The following OGDH variants were observed in gnomAD, a reference collection of about 807,000 sequenced individuals.
OGDH encodes 2-oxoglutarate dehydrogenase complex component E1.
OGDH carries 38 observed loss-of-function variants against 116.6 expected under a neutral mutation model. That is an observed-to-expected ratio of 0.33 (90% CI 0.25 to 0.43). The LOEUF is 0.43. Ranked by LOEUF, OGDH falls within the 20% of genes least tolerant of loss-of-function variation. OGDH has a pLI of 1.00. For synonymous variants in OGDH, 488 were observed against 533.3 expected (o/e 0.92, Z 1.17); for missense variants, 825 against 1,357.2 (o/e 0.61, Z 6.16).
intron 2 of OGDH, among the ~76,000 whole-genome samples, chr7:44,644,453 C>T (rs1786083380): frequency 2.0e-5 from 3 of 152,192 alleles, no homozygotes; most frequent in African/African-American, 7.2e-5. Context: ...AAACTGATAA[C>T]TAACACCTGA....
In OGDH at chr7:44,668,423, A is replaced by G. The variant is rs542784644; in HGVS notation, c.633+1572A>G. Among the ~76,000 whole-genome samples the G allele has an allele frequency of 2.6e-4, 39 of 151,610 alleles. 1 individual carries two copies. In the South Asian group the frequency reaches 8.2e-3, roughly 32 times the overall value. ...TGCACTCCAGCCTGGGCAACAGAGC[A>G]AGACTCCATCTCAAAAACAAACAAA... On this transcript the variant is annotated intron_variant, in intron 5 of 22. Coordinates refer to ENST00000222673, the MANE Select transcript of OGDH (RefSeq NM_002541.4).
chr7:44,694,633 A>C lies in OGDH; in HGVS notation c.1668+57A>C. On this transcript the variant is annotated intron_variant, in intron 12 of 22. Coordinates refer to ENST00000222673, the MANE Select transcript of OGDH (RefSeq NM_002541.4). The surrounding 1 kb of genome is among the most constrained non-coding windows in gnomAD (Gnocchi z 4.2). ...TTTCCAGGGCTGGCGATGACTAGAA[A>C]AGGTGGGCCACAGGGCCAGTTCTCA... The C allele has an allele frequency of 6.3e-7, 1 of 1,597,036 alleles. No individual in the cohort carries two copies. The highest frequency in any genetic ancestry group is 1.7e-5 in the Admixed American group (1 of 59,626).
intron 1 of OGDH, among the ~76,000 whole-genome samples, chr7:44,612,417 C>G (rs920770959): frequency 6.6e-6 from 1 of 151,808 alleles, no homozygotes; most frequent in Non-Finnish European, 1.5e-5. Flanking sequence ...GAGTCTTACT[C>G]TGTTGCCCAG....
At chr7:44,683,991 A>G (rs1788032362) in intron 10 of OGDH, among the ~76,000 whole-genome samples, 1 of 152,222 alleles carries the variant, frequency 6.6e-6, no homozygotes, top group Non-Finnish European at 1.5e-5. Context: ...GCTCATAGAC[A>G]GTGCCATGAA....
At chr7:44,635,724 G>A (rs1000911550) in intron 2 of OGDH, among the ~76,000 whole-genome samples, 4 of 146,656 alleles carry the variant, frequency 2.7e-5, no homozygotes, top group African/African-American at 7.6e-5. Context: ...TTTTTTTTTC[G>A]AGATGGAGTC....
intron 4 of OGDH, among the ~76,000 whole-genome samples, chr7:44,650,828 T>A (rs1786407111): frequency 6.6e-6 from 1 of 152,196 alleles, no homozygotes; most frequent in Non-Finnish European, 1.5e-5. Flanking sequence ...CTGACCAGTG[T>A]GTAGACGGGT....
Position 44,613,638 on chromosome 7 carries a change from C to T in OGDH, c.-28+6985C>T, listed in dbSNP as rs570103124. ...CCTCCCAAAGTGCTGGGATTACAGG[C>T]GTGAGCCACCACGCCCGGCTATAAT... On this transcript the variant is annotated intron_variant, in intron 1 of 22. Transcript: ENST00000222673. Among the ~76,000 whole-genome samples, 220 of 151,880 alleles carry T rather than the reference C, an allele frequency of 1.4e-3. 1 individual carries two copies. Among genetic ancestry groups the T allele is most frequent in the African/African-American group, 4.9e-3 (205 of 41,426 alleles).
At chr7:44,636,842 T>C (rs548369365) in intron 2 of OGDH, among the ~76,000 whole-genome samples, 1 of 152,296 alleles carries the variant, frequency 6.6e-6, no homozygotes, top group African/African-American at 2.4e-5. Context: ...GTAAAAATTA[T>C]TTACCGCTGA....
chr7:44,682,310 G>T (rs1011475892), intron 10 of OGDH, among the ~76,000 whole-genome samples: 7 of 151,466 alleles, frequency 4.6e-5, no homozygotes, highest in Non-Finnish European at 8.8e-5. Flanking sequence ...GCTTGAACCC[G>T]AGAGGTGAAG....
In OGDH at chr7:44,700,182, C is replaced by G. The variant is rs770104306; in HGVS notation, c.2472C>G (p.Asp824Glu). The G allele has an allele frequency of 3.0e-5, 48 of 1,614,218 alleles. No individual in the cohort carries two copies. The highest frequency in any genetic ancestry group is 4.0e-5 in the Non-Finnish European group (47 of 1,180,024). Residue 824 changes from aspartate (D) to glutamate (E), a missense_variant, in exon 19 of 23, where the codon GAC (aspartate) becomes GAG (glutamate). Asp to Glu is a conservative substitution (Grantham distance 45, BLOSUM62 2). This residue lies in a region of OGDH where 212 missense variants were observed against 284.3 expected (regional missense o/e 0.75). Transcript: ENST00000222673. ...ACTTCGACATCAATCAGCTATATGA[C>G]TGCAATTGGGTTGTTGTCAACTGCT... ...EANFDINQLY[D>E]CNWVVVNCST...
chr7:44,658,198 A>C (rs1221102572), intron 4 of OGDH, among the ~76,000 whole-genome samples: 2 of 151,148 alleles, frequency 1.3e-5, no homozygotes, highest in African/African-American at 2.4e-5. Flanking sequence ...TTAGGGAGAA[A>C]ATACATTTTT....
At chr7:44,703,499 C>G (rs189144814) in intron 20 of OGDH, among the ~76,000 whole-genome samples, 1 of 152,224 alleles carries the variant, frequency 6.6e-6, no homozygotes, top group African/African-American at 2.4e-5. Flanking sequence ...GCAGGTCGAT[C>G]ACTTGAGGTC....
At chr7:44,679,322 T>C (rs886265512) in intron 9 of OGDH, among the ~76,000 whole-genome samples, 9 of 152,202 alleles carry the variant, frequency 5.9e-5, no homozygotes, top group Non-Finnish European at 1.2e-4. Flanking sequence ...TCAGGCAGCC[T>C]GGGCATCGTA....
In OGDH at chr7:44,707,932, AC is replaced by A; in HGVS notation, c.3007del (p.Leu1003Ter). The A allele has an allele frequency of 6.2e-7, 1 of 1,613,756 alleles. No individual in the cohort carries two copies. Among genetic ancestry groups the A allele is most frequent in the Non-Finnish European group, 8.5e-7 (1 of 1,179,986 alleles). On this transcript the variant is annotated frameshift_variant, in exon 23 of 23. Transcript: ENST00000222673. LOFTEE classifies it high-confidence loss of function. The surrounding 1 kb of genome is among the most constrained non-coding windows in gnomAD (Gnocchi z 5.2). ...CCAGCCACCGGCAACAAGAAGACCCACCTGACGGAGCTGCAGCGCCTCCTGG... is the reference window on the plus strand; with the variant it reads ...CCAGCCACCGGCAACAAGAAGACCCACTGACGGAGCTGCAGCGCCTCCTGG... ...AAPATGNKKT[H>X]LTELQRLLDT... is the part of the protein sequence containing the mutation.
chr7:44,623,955 T>G (rs1785100595), intron 1 of OGDH, among the ~76,000 whole-genome samples: 1 of 152,104 alleles, frequency 6.6e-6, no homozygotes, highest in Non-Finnish European at 1.5e-5. Context: ...AGATTTAAAT[T>G]TTTAAGTGAA....
chr7:44,675,374 C>T, intron 8 of OGDH, 106 bp downstream of exon 8: 1 of 930,450 alleles, frequency 1.1e-6, no homozygotes, highest in South Asian at 1.4e-5. Context: ...TTCTTCTGTA[C>T]CATTTGTGAT....
intron 4 of OGDH, among the ~76,000 whole-genome samples, chr7:44,650,083 C>T (rs958787148): frequency 2.0e-5 from 3 of 151,974 alleles, no homozygotes; most frequent in Non-Finnish European, 4.4e-5. Context: ...GTAGTCTCCA[C>T]GTTTCAAGAG....
At chr7:44,661,370 A>G (rs540262608) in intron 4 of OGDH, among the ~76,000 whole-genome samples, 2 of 152,254 alleles carry the variant, frequency 1.3e-5, no homozygotes, top group African/African-American at 2.4e-5. Context: ...GGATAAGCAT[A>G]TAGGTGGGTT....
chr7:44,691,338 A>G (rs2116320120), intron 10 of OGDH, among the ~76,000 whole-genome samples: 1 of 152,168 alleles, frequency 6.6e-6, no homozygotes, highest in East Asian at 1.9e-4. Context: ...AGCCTGGGCA[A>G]CAAAGTGAGA....
Sources: gnomAD v4.1 joint callset for allele counts (sites outside exome capture counted in the v4.1 genomes callset) on GRCh38, gnomAD v4.1.1 for gene constraint, gnomAD v4.1.1 regional missense constraint, Gnocchi (gnomAD v3.1) non-coding constraint, MANE v1.5 for transcripts, NCBI Gene and HGNC (gene_info 2026-07-23, HGNC 2026-07-21) for gene names.